Variants in RASGRP1 observed in about 807,000 individuals in gnomAD.
The protein encoded by RASGRP1 is RAS guanyl releasing protein 1.
In RASGRP1, 37 loss-of-function variants were observed where a neutral mutation model predicts 95.1. The observed-to-expected ratio is 0.39, with a 90% CI of 0.30 to 0.51. The LOEUF (loss-of-function observed/expected upper bound fraction) is 0.51. Ranked by LOEUF, RASGRP1 falls within the 20% of genes least tolerant of loss-of-function variation. The pLI is 0.80. For missense variants in RASGRP1, 711 were observed against 965.4 expected (o/e 0.74, Z 3.49); for synonymous variants, 325 against 353.4 (o/e 0.92, Z 0.90).
chr15:38,543,561 C>CTTTT (rs1312763434), intron 2 of RASGRP1, among the ~76,000 whole-genome samples: 3 of 60,664 alleles, frequency 4.9e-5, no homozygotes, highest in Non-Finnish European at 6.8e-5. Context: ...AAACTCTAGT[C>CTTTT]TTTTTTTTTT....
chr15:38,516,887 C>G (rs150366673), intron 5 of RASGRP1, among the ~76,000 whole-genome samples: 184 of 152,236 alleles, frequency 1.2e-3, no homozygotes, highest in African/African-American at 4.4e-3. Context: ...TCATTTTCCT[C>G]AAATGTCCTC....
At chr15:38,499,044 T>G in intron 14 of RASGRP1, 98 bp from the exon 15 acceptor site, 1 of 1,479,406 alleles carries the variant, frequency 6.8e-7, no homozygotes, top group South Asian at 1.1e-5. Context: ...TTGTCACACA[T>G]GTCTGTTCTA....
At chr15:38,494,186 T>C in intron 16 of RASGRP1, 196 bp downstream of exon 16, 1 of 722,014 alleles carries the variant, frequency 1.4e-6, no homozygotes, top group Non-Finnish European at 2.3e-6. Context: ...GTGAGAAAGC[T>C]GGAATCAATC....
intron 2 of RASGRP1, among the ~76,000 whole-genome samples, chr15:38,558,077 T>C (rs1221958592): frequency 1.3e-5 from 2 of 152,152 alleles, no homozygotes; most frequent in Non-Finnish European, 2.9e-5. Flanking sequence ...TCGTCCCTCT[T>C]TTTTCAATAG....
At position 38,488,632 on chromosome 15, in the gene RASGRP1, T is replaced by C. The variant is rs1179341885; in HGVS notation, c.*1922A>G. ...CTTTTGAATCCCTATAGATTATTTA[T>C]ATAAAAACTAACTGGGGATCTTTAC... On this transcript the variant is annotated 3_prime_UTR_variant, in exon 17 of 17. Transcript: ENST00000310803. The C allele has an allele frequency of 6.6e-6, 1 of 151,998 alleles. No homozygotes were observed. Among genetic ancestry groups the C allele is most frequent in the African/African-American group, 2.4e-5 (1 of 41,426 alleles). The allele number at this position is 151,998 out of a possible 1,614,324, so 9.4% of individuals were successfully genotyped here.
At position 38,494,682 on chromosome 15, in the gene RASGRP1, C is replaced by T; in HGVS notation, c.1959G>A (p.Met653Ile). ...GAGAAATCTTCTGTGAGGACACTCCCATCAGCATGATGGTCCGATCCTTAC... is the reference window on the plus strand; with the variant it reads ...GAGAAATCTTCTGTGAGGACACTCCTATCAGCATGATGGTCCGATCCTTAC... ...EESKDRTIMLMGVSSQKISLR... is the reference protein window; with the variant it reads ...EESKDRTIMLIGVSSQKISLR... Residue 653 changes from methionine to isoleucine, a missense_variant, in exon 16 of 17, where the codon ATG (methionine) becomes ATA (isoleucine). By Grantham distance (10) the Met-to-Ile change is conservative. Transcript: ENST00000310803. The T allele has an allele frequency of 6.5e-7, 1 of 1,535,744 alleles. No homozygotes were observed. Among genetic ancestry groups the T allele is most frequent in the Non-Finnish European group, 8.7e-7 (1 of 1,146,798 alleles).
chr15:38,518,739 T>C (rs1891885140), intron 4 of RASGRP1, among the ~76,000 whole-genome samples: 1 of 152,202 alleles, frequency 6.6e-6, no homozygotes, highest in Non-Finnish European at 1.5e-5. Context: ...ATAAACCAAA[T>C]GTCCAAAATG....
In RASGRP1 at chr15:38,501,149, A is replaced by G. The variant is rs1433396224; in HGVS notation, c.1677T>C (p.Ala559=). 4 of 1,601,024 alleles carry G rather than the reference A, an allele frequency of 2.5e-6. No individual in the cohort carries two copies. The Admixed American group carries it at 5.2e-5, about 21-fold the overall frequency. Residue 559 remains alanine (A), a synonymous_variant, in exon 13 of 17, where the codon GCT becomes GCC. Coordinates refer to ENST00000310803, the MANE Select transcript of RASGRP1 (RefSeq NM_005739.4). ...CACCCTAAGAACAACTTACAAATCCAGCACAGTTGTCACAAAAAGTGGGCT... is the reference window on the plus strand; with the variant it reads ...CACCCTAAGAACAACTTACAAATCCGGCACAGTTGTCACAAAAAGTGGGCT... ...YLKPTFCDNC[A]GFLWGVIKQG... is the part of the protein sequence containing the mutation.
intron 12 of RASGRP1, 56 bp from the exon 13 acceptor site, chr15:38,501,343 G>T (rs1182920625): frequency 6.3e-7 from 1 of 1,578,634 alleles, no homozygotes; most frequent in Non-Finnish European, 8.7e-7. Context: ...GAGGCAGGTA[G>T]CAAGGGGGGG....
intron 14 of RASGRP1, among the ~76,000 whole-genome samples, chr15:38,499,858 T>C (rs116895386): frequency 6.6e-6 from 1 of 152,202 alleles, no homozygotes; most frequent in Non-Finnish European, 1.5e-5. Context: ...ATGAGATCTG[T>C]TGGCTTCATA....
chr15:38,490,731 G>A (rs750272715), intron 16 of RASGRP1, 43 bp from the exon 17 acceptor site: 1 of 1,543,470 alleles, frequency 6.5e-7, no homozygotes, highest in Non-Finnish European at 8.8e-7. Context: ...AAGCAGCAAT[G>A]AATAGCAAAT....
intron 2 of RASGRP1, among the ~76,000 whole-genome samples, chr15:38,547,074 T>C (rs922757763): frequency 6.6e-6 from 1 of 152,232 alleles, no homozygotes; most frequent in Non-Finnish European, 1.5e-5. Context: ...CACTCATAAA[T>C]GGTTCACCTG....
chr15:38,533,281 C>T (rs1892518783), intron 2 of RASGRP1, among the ~76,000 whole-genome samples: 1 of 152,058 alleles, frequency 6.6e-6, no homozygotes, highest in African/African-American at 2.4e-5. Flanking sequence ...TAGAGCAGAG[C>T]CTGTGGTAAG....
In RASGRP1 at chr15:38,519,247, C is replaced by T. The variant is rs910781583; in HGVS notation, c.389+62G>A. 2.8e-5 allele frequency: 39 copies of T among 1,405,712 alleles called. No individual in the cohort carries two copies. The Middle Eastern group carries it at 1.4e-3, about 52-fold the overall frequency. 87.1% of individuals were successfully genotyped at this position (1,405,712 alleles called of 1,614,324 possible). A position where few individuals can be genotyped will look rare whatever the true frequency, so the allele number is the denominator to read the frequency against. ...AGGTCAGGAAAGGCAGGGAAAGTCCCTTGCTTCACCTTTCATTTCACCTTG... is the reference window on the plus strand; with the variant it reads ...AGGTCAGGAAAGGCAGGGAAAGTCCTTTGCTTCACCTTTCATTTCACCTTG... On this transcript the variant is annotated intron_variant, in intron 4 of 16. Coordinates refer to ENST00000310803, the MANE Select transcript of RASGRP1 (RefSeq NM_005739.4).
At chr15:38,496,723 T>C (rs1047642797) in intron 15 of RASGRP1, among the ~76,000 whole-genome samples, 1 of 152,100 alleles carries the variant, frequency 6.6e-6, no homozygotes, top group Non-Finnish European at 1.5e-5. Context: ...AGTCAGCCTG[T>C]GTTTAGATAG....
intron 16 of RASGRP1, among the ~76,000 whole-genome samples, chr15:38,491,067 G>A (rs1209431535): frequency 6.6e-6 from 1 of 152,150 alleles, no homozygotes; most frequent in African/African-American, 2.4e-5. Flanking sequence ...AATGCAAGGT[G>A]TTAGTTAATT....
chr15:38,563,931 G>T (rs1197390879), intron 1 of RASGRP1, among the ~76,000 whole-genome samples: 3 of 152,172 alleles, frequency 2.0e-5, no homozygotes, highest in African/African-American at 7.2e-5. Context: ...CCTAGTTCTG[G>T]TCCTTTGGCT....
intron 3 of RASGRP1, 151 bp downstream of exon 3, chr15:38,526,148 C>A (rs1892211020): frequency 3.1e-6 from 2 of 645,968 alleles, no homozygotes; most frequent in Admixed American, 5.1e-5. Context: ...ACACCCCCAA[C>A]ACATGCACCC....
Position 38,519,308 on chromosome 15 carries a change from C to T in RASGRP1, c.389+1G>A. On this transcript the variant is annotated splice_donor_variant, in intron 4 of 16. Transcript: ENST00000310803. LOFTEE classifies it high-confidence loss of function. ...TCTTGAAATACATAAAGAAACATTACCTTACAAAATAACAGATCTTCAGGC... is the reference window on the plus strand; with the variant it reads ...TCTTGAAATACATAAAGAAACATTATCTTACAAAATAACAGATCTTCAGGC... 1 of 1,523,154 alleles carries T rather than the reference C, an allele frequency of 6.6e-7. No homozygotes were observed. 94.4% of individuals were successfully genotyped at this position (1,523,154 alleles called of 1,614,324 possible). A position where few individuals can be genotyped will look rare whatever the true frequency, so the allele number is the denominator to read the frequency against.
Sources: allele counts gnomAD v4.1 joint callset (sites outside exome capture counted in the v4.1 genomes callset), GRCh38; gene constraint gnomAD v4.1.1; transcripts MANE v1.5; gene names NCBI Gene and HGNC (gene_info 2026-07-23, HGNC 2026-07-21).